KMT2A: variants seen among roughly 807,000 people sequenced by gnomAD.
The protein encoded by KMT2A is lysine methyltransferase 2A.
Under a neutral mutation model 345.3 loss-of-function variants are expected in KMT2A, and 16 were observed. The ratio of observed to expected loss-of-function variants is 0.05; its 90% CI spans 0.03 to 0.07. The LOEUF (loss-of-function observed/expected upper bound fraction) is 0.07, where lower values mean the gene tolerates loss of function less well. Among genes scored for constraint, KMT2A ranks in the 10% least tolerant of loss-of-function variants. The probability of loss-of-function intolerance (pLI) is 1.00; values close to 1 mark genes in which losing one functional copy is unlikely to be tolerated. For missense variants in KMT2A, 3,272 were observed against 4,841.6 expected, an observed-to-expected ratio of 0.68 and a Z score of 9.62; for synonymous variants, 1,599 against 1,778.6, an observed-to-expected ratio of 0.90 and a Z score of 2.54.
intron 1 of KMT2A, among the ~76,000 whole-genome samples, chr11:118,466,608 G>C (rs1172593382): frequency 6.6e-6 from 1 of 151,958 alleles, no homozygotes; most frequent in Admixed American, 6.6e-5. Flanking sequence ...TTGAGGCCAG[G>C]AGTTCAAGAC....
In KMT2A at chr11:118,499,358, G is replaced by C. The variant is rs1555044983; in HGVS notation, c.6017G>C (p.Gly2006Ala). Residue 2006 changes from glycine to alanine, a missense_variant, in exon 23 of 36, where the codon GGA (glycine) becomes GCA (alanine). This residue lies in a region of KMT2A where 235 missense variants were observed against 503.4 expected (regional missense o/e 0.47). Coordinates refer to ENST00000534358, the MANE Select transcript of KMT2A (RefSeq NM_001197104.2). ...VFRRVFVDFEGISLRRKFLNG... is the reference protein window; with the variant it reads ...VFRRVFVDFEAISLRRKFLNG... ...AGAAGAGTGTTTGTGGACTTTGAAG[G>C]AATCAGCTTGAGAAGGAAGTTTCTC... 1.9e-6 allele frequency: 3 copies of C among 1,612,052 alleles called. No homozygotes were observed. The highest frequency in any genetic ancestry group is 2.2e-5 in the East Asian group (1 of 44,886).
Position 118,494,250 on chromosome 11 carries a change from T to C in KMT2A, c.5179-38T>C. Reference sequence around the variant, plus strand: ...AGAGGAAATGGTTTTCAGAGCACACTGTTTTAAGAATAATTAACATTTTGT... The same window carrying C: ...AGAGGAAATGGTTTTCAGAGCACACCGTTTTAAGAATAATTAACATTTTGT... On this transcript the variant is annotated intron_variant, in intron 16 of 35. Transcript: ENST00000534358. This position sits in a 1 kb window ranked among gnomAD's most constrained non-coding sequence, Gnocchi z 5.8. 1.9e-6 allele frequency: 2 copies of C among 1,081,060 alleles called. No individual in the cohort carries two copies. Among genetic ancestry groups the C allele is most frequent in the Non-Finnish European group, 1.4e-6 (1 of 697,774 alleles). 67.0% of individuals were successfully genotyped at this position (1,081,060 alleles called of 1,614,324 possible).
rs1450868432 is a variant in KMT2A at position 118,525,397 on chromosome 11, C to T, written c.*3225C>T. The T allele has an allele frequency of 4.4e-6, 1 of 227,554 alleles. No homozygotes were observed. The highest frequency in any genetic ancestry group is 8.7e-6 in the Non-Finnish European group (1 of 114,578). The allele number at this position is 227,554 out of a possible 1,614,324, so 14.1% of individuals were successfully genotyped here. A position where few individuals can be genotyped will look rare whatever the true frequency, so the allele number is the denominator to read the frequency against. On this transcript the variant is annotated 3_prime_UTR_variant, in exon 36 of 36. Transcript: ENST00000534358. ...GCTGACCCTTTGGCCGGAACTTGGT[C>T]TCTTGGCTCCCTCCTTGGCCACCCA...
chr11:118,494,656 T>C lies in KMT2A; in HGVS notation c.5290-38T>C. On this transcript the variant is annotated intron_variant, in intron 17 of 35. Coordinates refer to ENST00000534358, the MANE Select transcript of KMT2A (RefSeq NM_001197104.2). The surrounding 1 kb of genome is among the most constrained non-coding windows in gnomAD (Gnocchi z 5.8). ...ATTTTTCATGTGGTATCTAAATGAG[T>C]GTTTACATATTTACATTTTGTTTGT... 1 of 1,541,114 alleles carries C rather than the reference T, an allele frequency of 6.5e-7. No individual in the cohort carries two copies. Among genetic ancestry groups the C allele is most frequent in the Admixed American group, 1.7e-5 (1 of 59,238 alleles).
Position 118,494,266 on chromosome 11 carries a change from AAC to A in KMT2A, c.5179-20_5179-19del. ...AGAGCACACTGTTTTAAGAATAATT[AAC>A]ATTTTGTTTTTGTATACAGTTGGAG... On this transcript the variant is annotated intron_variant, in intron 16 of 35. Coordinates refer to ENST00000534358, the MANE Select transcript of KMT2A (RefSeq NM_001197104.2). The surrounding 1 kb of genome is among the most constrained non-coding windows in gnomAD (Gnocchi z 5.8). The A allele has an allele frequency of 8.2e-7, 1 of 1,226,374 alleles. No homozygotes were observed. Among genetic ancestry groups the A allele is most frequent in the Admixed American group, 1.7e-5 (1 of 59,286 alleles). The allele number at this position is 1,226,374 out of a possible 1,614,324, so 76.0% of individuals were successfully genotyped here.
rs1468774712 is a variant in KMT2A, at chr11:118,509,146, G to A, written c.10846G>A (p.Val3616Ile). 6.2e-7 allele frequency: 1 copy of A among 1,613,892 alleles called. No homozygotes were observed. Among genetic ancestry groups the A allele is most frequent in the East Asian group, 2.2e-5 (1 of 44,872 alleles). ...TTGGTTTTTATTTAGGCAAGTCGCTGTTCTTCCGGAAGTTCAGGTGACCCA... is the reference window on the plus strand; with the variant it reads ...TTGGTTTTTATTTAGGCAAGTCGCTATTCTTCCGGAAGTTCAGGTGACCCA... ...ECGQPAGQVA[V>I]LPEVQVTQNP... is the part of the protein sequence containing the mutation. The change falls in exon 29 of 36, where the codon GTT becomes ATT. Residue 3616 changes from valine (V) to isoleucine (I), a missense_variant. Physicochemically the swap from Val to Ile is conservative, Grantham distance 29. This residue lies in a region of KMT2A where 748 missense variants were observed against 922.2 expected (regional missense o/e 0.81). Coordinates refer to ENST00000534358, the MANE Select transcript of KMT2A (RefSeq NM_001197104.2).
intron 2 of KMT2A, among the ~76,000 whole-genome samples, chr11:118,470,438 T>C (rs192498323): frequency 1.8e-3 from 268 of 152,330 alleles, no homozygotes; most frequent in Middle Eastern, 3.4e-3. Flanking sequence ...CAGTCTACCT[T>C]GAATGTTGTC....
At chr11:118,450,450 TG>T (rs1385542528) in intron 1 of KMT2A, 2 of 152,204 alleles carry the variant, frequency 1.3e-5, no homozygotes, top group Non-Finnish European at 2.9e-5. Flanking sequence ...GGAGTGGGGA[TG>T]AGGGGTACTA....
At position 118,505,069 on chromosome 11, in the gene KMT2A, G is replaced by A. The variant is rs1054482036; in HGVS notation, c.9177G>A (p.Pro3059=). 28 of 1,614,086 alleles carry A rather than the reference G, an allele frequency of 1.7e-5. No homozygotes were observed. Among genetic ancestry groups the A allele is most frequent in the Middle Eastern group, 1.6e-4 (1 of 6,062 alleles). ...CCAATTCTACTGATAGTCCTGGCCC[G>A]TCTCAGATTTCCAATGCAGCTGTCC... The part of the protein sequence containing the change: ...YVPNSTDSPG[P]SQISNAAVQT... The change falls in exon 27 of 36, where the codon CCG becomes CCA. Residue 3059 remains proline (P), a synonymous_variant. Transcript: ENST00000534358. This position sits in a 1 kb window ranked among gnomAD's most constrained non-coding sequence, Gnocchi z 4.6.
At chr11:118,511,579 C>T (rs1950688759) in intron 30 of KMT2A, among the ~76,000 whole-genome samples, 1 of 152,158 alleles carries the variant, frequency 6.6e-6, no homozygotes, top group Admixed American at 6.5e-5. Flanking sequence ...CTGCTTAAAT[C>T]ATTATTACTA....
chr11:118,461,034 T>G (rs1383597011), intron 1 of KMT2A, among the ~76,000 whole-genome samples: 6 of 152,244 alleles, frequency 3.9e-5, no homozygotes, highest in Non-Finnish European at 5.9e-5. Flanking sequence ...AAAAGTTGTC[T>G]TAGTAGTACA....
In KMT2A at chr11:118,493,375, G is replaced by A; in HGVS notation, c.5178+145G>A. The A allele has an allele frequency of 1.8e-6, 1 of 544,016 alleles. No individual in the cohort carries two copies. The highest frequency in any genetic ancestry group is 3.1e-6 in the Non-Finnish European group (1 of 321,820). The allele number at this position is 544,016 out of a possible 1,614,324, so 33.7% of individuals were successfully genotyped here. On this transcript the variant is annotated intron_variant, in intron 16 of 35. Coordinates refer to ENST00000534358, the MANE Select transcript of KMT2A (RefSeq NM_001197104.2). This position sits in a 1 kb window ranked among gnomAD's most constrained non-coding sequence, Gnocchi z 5.8. Reference sequence around the variant, plus strand: ...CACGTGGCTTTAGATACCTAAAAATGTATGAGTTATTTTAGCTTTGTGTTT... The same window carrying A: ...CACGTGGCTTTAGATACCTAAAAATATATGAGTTATTTTAGCTTTGTGTTT...
intron 10 of KMT2A, among the ~76,000 whole-genome samples, chr11:118,486,501 C>A (rs1292793078): frequency 6.6e-6 from 1 of 151,854 alleles, no homozygotes; most frequent in Non-Finnish European, 1.5e-5. Context: ...TATCCTACAT[C>A]CTTTACAGTT....
intron 3 of KMT2A, among the ~76,000 whole-genome samples, chr11:118,474,892 A>C (rs1348585495): frequency 1.3e-5 from 2 of 152,086 alleles, no homozygotes; most frequent in East Asian, 3.8e-4. Context: ...TGGGAGGCCA[A>C]GGTGGGCGGA....
At position 118,489,812 on chromosome 11, in the gene KMT2A, G is replaced by A; in HGVS notation, c.4500G>A (p.Lys1500=). 1 of 1,614,078 alleles carries A rather than the reference G, an allele frequency of 6.2e-7. No individual in the cohort carries two copies. The change falls in exon 12 of 36, where the codon AAG becomes AAA. Residue 1500 remains lysine, a synonymous_variant. Coordinates refer to ENST00000534358, the MANE Select transcript of KMT2A (RefSeq NM_001197104.2). The part of the protein sequence containing the change: ...QATKQLLECN[K]CRNSYHPECL... ...TACAGCAGCTGCTGGAGTGTAATAA[G>A]TGCCGAAACAGCTATCACCCTGAGT...
In KMT2A at chr11:118,520,880, C is replaced by T. The variant is rs782348668; in HGVS notation, c.11508C>T (p.Val3836=). Residue 3836 remains valine (V), a synonymous_variant, in exon 34 of 36, where the codon GTC becomes GTT. Transcript: ENST00000534358. The surrounding 1 kb of genome is among the most constrained non-coding windows in gnomAD (Gnocchi z 4.3). ...LKKTSKEAVG[V]YRSPIHGRGL... Reference sequence around the variant, plus strand: ...AGACTTCTAAGGAGGCAGTTGGTGTCTACAGGTATGACTAAAATTCTAGAA... The same window carrying T: ...AGACTTCTAAGGAGGCAGTTGGTGTTTACAGGTATGACTAAAATTCTAGAA... The T allele has an allele frequency of 4.3e-5, 70 of 1,610,042 alleles. No homozygotes were observed. Among genetic ancestry groups the T allele is most frequent in the Non-Finnish European group, 5.9e-5 (69 of 1,176,488 alleles).
chr11:118,471,620 C>A, intron 2 of KMT2A, 42 bp from the exon 3 acceptor site: 1 of 1,386,066 alleles, frequency 7.2e-7, no homozygotes, highest in Non-Finnish European at 9.8e-7. Context: ...CTAAACTACA[C>A]AGCTAAATAT....
chr11:118,475,979 C>G (rs1211803567), intron 3 of KMT2A, among the ~76,000 whole-genome samples: 1 of 152,032 alleles, frequency 6.6e-6, no homozygotes, highest in East Asian at 1.9e-4. Context: ...GATCTTGGCT[C>G]ACTGCAACGT....
chr11:118,483,461 G>T (rs538217487), intron 8 of KMT2A, among the ~76,000 whole-genome samples: 37 of 148,924 alleles, frequency 2.5e-4, no homozygotes, highest in African/African-American at 8.9e-4. Flanking sequence ...TGAACCCGGG[G>T]GGCGGAGCCT....
Sources: allele counts gnomAD v4.1 joint callset (sites outside exome capture counted in the v4.1 genomes callset), GRCh38; gene constraint gnomAD v4.1.1; regional missense constraint gnomAD v4.1.1; non-coding constraint Gnocchi (gnomAD v3.1); transcripts MANE v1.5; gene names NCBI Gene and HGNC (gene_info 2026-07-23, HGNC 2026-07-21).